The following GON4L variants were observed in gnomAD, a reference collection of about 807,000 sequenced individuals.
GON4L encodes the protein GON-4-like protein.
A neutral mutation model predicts 211.8 loss-of-function variants in GON4L; 87 were observed. The observed-to-expected ratio is 0.41, with a 90% CI of 0.35 to 0.49. The LOEUF (loss-of-function observed/expected upper bound fraction) is 0.49, where lower values mean the gene tolerates loss of function less well. GON4L is among the 20% of genes least tolerant of loss of function. The pLI is 0.15. For synonymous variants in GON4L, 875 were observed against 962.6 expected (o/e 0.91, Z 1.68); for missense variants, 2,155 against 2,659.5 (o/e 0.81, Z 4.17).
At chr1:155,769,416 T>C (rs572441678) in intron 19 of GON4L, among the ~76,000 whole-genome samples, 12 of 152,246 alleles carry the variant, frequency 7.9e-5, no homozygotes, top group Non-Finnish European at 1.5e-4. Flanking sequence ...GCAAAAAGAA[T>C]TCCCAGGATG....
intron 24 of GON4L, among the ~76,000 whole-genome samples, chr1:155,759,610 C>T: frequency 6.6e-6 from 1 of 151,276 alleles, no homozygotes. Flanking sequence ...TTCACGTATA[C>T]ACTGATTGGA....
intron 12 of GON4L, among the ~76,000 whole-genome samples, chr1:155,786,275 T>G (rs2101918580): frequency 6.6e-6 from 1 of 152,222 alleles, no homozygotes; most frequent in African/African-American, 2.4e-5. Flanking sequence ...AGCTAGATGA[T>G]TTTATAATTA....
intron 14 of GON4L, among the ~76,000 whole-genome samples, chr1:155,779,954 C>T (rs189469821): frequency 3.0e-4 from 45 of 152,102 alleles, no homozygotes; most frequent in African/African-American, 1.1e-3. Flanking sequence ...CGCATCACCA[C>T]GGCCAGCTAA....
At chr1:155,828,024 G>C (rs1669379419) in intron 2 of GON4L, among the ~76,000 whole-genome samples, 1 of 151,896 alleles carries the variant, frequency 6.6e-6, no homozygotes, top group African/African-American at 2.4e-5. Flanking sequence ...TGGGTGTGTT[G>C]GTACACACCT....
chr1:155,745,737 G>C (rs1660232274), downstream of GON4L: 6 of 1,096,068 alleles, frequency 5.5e-6, no homozygotes, highest in Non-Finnish European at 7.9e-6. Context: ...TAAGTCGCCA[G>C]TATAACACCC....
intron 3 of GON4L, among the ~76,000 whole-genome samples, chr1:155,824,325 T>C (rs144106645): frequency 0.027 from 4,095 of 148,982 alleles, 194 homozygotes; most frequent in African/African-American, 0.093. Context: ...TCCCAGCTAC[T>C]TGGGAAGCTG....
At chr1:155,748,819 T>C, downstream of GON4L, 1 of 1,588,162 alleles carries the variant, frequency 6.3e-7, no homozygotes, top group Non-Finnish European at 8.6e-7. Context: ...GGAGTCCTTG[T>C]CAGATTTTTG....
At position 155,784,050 on chromosome 1, in the gene GON4L, C is replaced by T; in HGVS notation, c.1828G>A (p.Gly610Ser). Residue 610 changes from glycine (G) to serine (S), a missense_variant, in exon 14 of 32, where the codon GGC becomes AGC. Gly to Ser is a moderately conservative substitution (Grantham distance 56, BLOSUM62 0). Coordinates refer to ENST00000368331, the MANE Select transcript of GON4L (RefSeq NM_001282860.2). ...GCTACACACTCCTCCTCTTCTGGGCCATCATCTTCCATGTTGGAGAATCCC... is the reference window on the plus strand; with the variant it reads ...GCTACACACTCCTCCTCTTCTGGGCTATCATCTTCCATGTTGGAGAATCCC... ...EMGFSNMEDDGPEEEECVAEP... is the reference protein window; with the variant it reads ...EMGFSNMEDDSPEEEECVAEP... 1.2e-6 allele frequency: 2 copies of T among 1,614,088 alleles called. No homozygotes were observed. The highest frequency in any genetic ancestry group is 4.5e-5 in the East Asian group (2 of 44,878).
rs955526881 is a variant in GON4L, at chr1:155,760,531, G to A, written c.5022C>T (p.Ser1674=). 2 of 1,613,308 alleles carry A rather than the reference G, an allele frequency of 1.2e-6. No homozygotes were observed. Among genetic ancestry groups the A allele is most frequent in the Admixed American group, 1.7e-5 (1 of 59,994 alleles). The change falls in exon 24 of 32, where the codon AGC becomes AGT. Residue 1674 remains serine (S), a synonymous_variant. Coordinates refer to ENST00000368331, the MANE Select transcript of GON4L (RefSeq NM_001282860.2). The part of the protein sequence containing the change: ...QRRTAVDLYK[S]LQILLQDWPQ... ...GCCAGTCTTGGAGCAGAATTTGCAG[G>A]CTTTTGTAGAGATCTACAGCCGTCC...
intron 12 of GON4L, among the ~76,000 whole-genome samples, chr1:155,785,627 C>T (rs1376041628): frequency 2.0e-5 from 3 of 152,060 alleles, no homozygotes; most frequent in South Asian, 4.1e-4. Flanking sequence ...GTAGCTGGGA[C>T]CACAGACGCA....
chr1:155,815,820 A>G lies in GON4L; in HGVS notation c.1146T>C (p.Asp382=), dbSNP rs1450406078. 5.0e-6 allele frequency: 8 copies of G among 1,595,874 alleles called. No individual in the cohort carries two copies. The highest frequency in any genetic ancestry group is 1.7e-4 in the Middle Eastern group (1 of 6,026). ...EEYQPDDEEE[D]ETAEESLLES... ...ATTCACTGACCTCTTCAGCAGTTTCATCTTCTTCTTCATCATCCGGCTGGT... is the reference window on the plus strand; with the variant it reads ...ATTCACTGACCTCTTCAGCAGTTTCGTCTTCTTCTTCATCATCCGGCTGGT... Residue 382 remains aspartate, a synonymous_variant, in exon 8 of 32, where the codon GAT becomes GAC. Coordinates refer to ENST00000368331, the MANE Select transcript of GON4L (RefSeq NM_001282860.2).
At chr1:155,791,816 T>G (rs1227498695) in intron 12 of GON4L, among the ~76,000 whole-genome samples, 1 of 151,860 alleles carries the variant, frequency 6.6e-6, no homozygotes, top group African/African-American at 2.4e-5. Flanking sequence ...TGCAGTGAGC[T>G]GAGATTGCAC....
chr1:155,749,406 C>A, downstream of GON4L: 1 of 1,605,070 alleles, frequency 6.2e-7, no homozygotes, highest in South Asian at 1.1e-5. Flanking sequence ...TCAGTATTTA[C>A]AACAGCAGCA....
At chr1:155,773,452 A>G in intron 17 of GON4L, 1 of 526,892 alleles carries the variant, frequency 1.9e-6, no homozygotes, top group Non-Finnish European at 3.4e-6. Context: ...CACTTTATTC[A>G]CTAAGTAAAA....
chr1:155,805,293 T>TA, intron 10 of GON4L, 152 bp from the exon 11 acceptor site: 4 of 648,006 alleles, frequency 6.2e-6, no homozygotes. Flanking sequence ...AAACACGACA[T>TA]AAAAAAGAAA....
Position 155,853,342 on chromosome 1 carries a change from ATC to A in GON4L, c.437_438del (p.Arg146MetfsTer2). 6.2e-7 allele frequency: 1 copy of A among 1,613,948 alleles called. No individual in the cohort carries two copies. Among genetic ancestry groups the A allele is most frequent in the Non-Finnish European group, 8.5e-7 (1 of 1,179,858 alleles). ...LRPGPVTQED[R>X]CDHLTLKEPF... The stretch of plus-strand genomic sequence containing the variant: ...GGCTCCTTTAGGGTAAGATGATCAC[ATC>A]TGTCTTCTTGGGTAACTGGCCCAGG... On this transcript the variant is annotated frameshift_variant, in exon 2 of 32. Coordinates refer to ENST00000368331, the MANE Select transcript of GON4L (RefSeq NM_001282860.2). LOFTEE classifies it high-confidence loss of function.
At chr1:155,805,910 G>C (rs373388373) in intron 10 of GON4L, among the ~76,000 whole-genome samples, 1 of 151,392 alleles carries the variant, frequency 6.6e-6, no homozygotes, top group Non-Finnish European at 1.5e-5. Context: ...CGCTGGTCTC[G>C]AAGTCCTGAC....
Position 155,762,241 on chromosome 1 carries a change from A to C in GON4L, c.4860T>G (p.Asp1620Glu). ...CCAAGTCCTTCTGCTCCCTGAGTGG[A>C]TCTCGCTCGAGAATGTCCTCATCAT... ...LLYDEDILER[D>E]PLREQKDLAF... is the part of the protein sequence containing the mutation. The change falls in exon 23 of 32, where the codon GAT becomes GAG. Residue 1620 changes from aspartate (D) to glutamate (E), a missense_variant. Transcript: ENST00000368331. 3 of 1,611,900 alleles carry C rather than the reference A, an allele frequency of 1.9e-6. No individual in the cohort carries two copies. Among genetic ancestry groups the C allele is most frequent in the Non-Finnish European group, 2.5e-6 (3 of 1,179,058 alleles).
chr1:155,819,282 G>A (rs577848269), intron 6 of GON4L, among the ~76,000 whole-genome samples: 2 of 151,666 alleles, frequency 1.3e-5, no homozygotes, highest in Admixed American at 6.6e-5. Context: ...CAGCCTGGAC[G>A]ATGAAGCAAG....
Sources: gnomAD v4.1 joint callset for allele counts (sites outside exome capture counted in the v4.1 genomes callset) on GRCh38, gnomAD v4.1.1 for gene constraint, MANE v1.5 for transcripts, NCBI Gene and HGNC (gene_info 2026-07-23, HGNC 2026-07-21) for gene names.